ADAMTSL1: variants seen among roughly 807,000 people sequenced by gnomAD.
The protein encoded by ADAMTSL1 is ADAMTS like 1, also known as ADAMTS-like protein 1.
ADAMTSL1 carries 126 observed loss-of-function variants against 201.8 expected under a neutral mutation model. The observed-to-expected ratio is 0.62, with a 90% CI of 0.54 to 0.72. The LOEUF is 0.72. ADAMTSL1 is among the 30% of genes least tolerant of loss of function. The pLI, the probability that ADAMTSL1 is intolerant of heterozygous loss-of-function variation, is 0.00. For synonymous variants in ADAMTSL1, 1,121 were observed against 903.4 expected, an observed-to-expected ratio of 1.24 and a Z score of -4.32; for missense variants, 2,679 against 2,277.8, an observed-to-expected ratio of 1.18 and a Z score of -3.59.
intron 4 of ADAMTSL1, among the ~76,000 whole-genome samples, chr9:18,621,732 T>C (rs1826045758): frequency 6.6e-6 from 1 of 152,190 alleles, no homozygotes; most frequent in Non-Finnish European, 1.5e-5. Flanking sequence ...CTGTTCTCAC[T>C]GCTTGGAATA....
chr9:18,072,774 C>T (rs181278965), intron 1 of ADAMTSL1, among the ~76,000 whole-genome samples: 2 of 152,302 alleles, frequency 1.3e-5, no homozygotes. Flanking sequence ...ATTTTCATTG[C>T]CCACGGAGGG....
intron 23 of ADAMTSL1, among the ~76,000 whole-genome samples, chr9:18,874,450 T>C (rs2131475333): frequency 6.6e-6 from 1 of 152,246 alleles, no homozygotes; most frequent in South Asian, 2.1e-4. Flanking sequence ...TTTATTACCT[T>C]AGAGTGTGTC....
At chr9:18,631,009 G>C (rs769808298) in intron 5 of ADAMTSL1, among the ~76,000 whole-genome samples, 1 of 152,158 alleles carries the variant, frequency 6.6e-6, no homozygotes, top group Non-Finnish European at 1.5e-5. Flanking sequence ...TTTGATGTTA[G>C]CACCTGTGTA....
At chr9:18,835,443 T>A (rs1563841863) in intron 23 of ADAMTSL1, among the ~76,000 whole-genome samples, 2 of 152,162 alleles carry the variant, frequency 1.3e-5, no homozygotes, top group African/African-American at 4.8e-5. Flanking sequence ...AACAGTGTCT[T>A]ACAAAGAGTA....
intron 23 of ADAMTSL1, among the ~76,000 whole-genome samples, chr9:18,869,520 A>T (rs767824164): frequency 3.3e-5 from 5 of 152,218 alleles, no homozygotes; most frequent in Non-Finnish European, 5.9e-5. Context: ...AATAAATTCA[A>T]TCCTGTTGTT....
intron 1 of ADAMTSL1, among the ~76,000 whole-genome samples, chr9:18,089,101 A>G (rs1447313821): frequency 6.6e-6 from 1 of 152,186 alleles, no homozygotes; most frequent in Non-Finnish European, 1.5e-5. Context: ...GCAGTGAGCC[A>G]AGATCGTGCC....
intron 2 of ADAMTSL1, among the ~76,000 whole-genome samples, chr9:18,519,664 A>G (rs1818565693): frequency 6.6e-6 from 1 of 152,222 alleles, no homozygotes; most frequent in South Asian, 2.1e-4. Flanking sequence ...CTTGCTTAGT[A>G]CTAGTATAGA....
At chr9:18,464,833 A>T (rs1820940496) in intron 2 of ADAMTSL1, among the ~76,000 whole-genome samples, 1 of 152,212 alleles carries the variant, frequency 6.6e-6, no homozygotes, top group African/African-American at 2.4e-5. Context: ...AATAAAAATC[A>T]AGAGAGAAAG....
chr9:18,834,927 TC>T (rs1825218892), intron 23 of ADAMTSL1, among the ~76,000 whole-genome samples: 1 of 152,224 alleles, frequency 6.6e-6, no homozygotes, highest in South Asian at 2.1e-4. Context: ...GCTGTGAAAT[TC>T]ATGTACATTA....
chr9:17,982,849 CA>C (rs1483413571), intron 1 of ADAMTSL1, among the ~76,000 whole-genome samples: 2 of 151,904 alleles, frequency 1.3e-5, no homozygotes, highest in Non-Finnish European at 2.9e-5. Context: ...TATCACTTAT[CA>C]CCAAGATAAT....
At chr9:18,461,334 T>G (rs1303615095) in intron 2 of ADAMTSL1, among the ~76,000 whole-genome samples, 1 of 152,200 alleles carries the variant, frequency 6.6e-6, no homozygotes, top group East Asian at 1.9e-4. Context: ...TTTATCATTA[T>G]GATTATTTTT....
chr9:18,318,213 T>C (rs1269981687), intron 2 of ADAMTSL1, among the ~76,000 whole-genome samples: 3 of 152,216 alleles, frequency 2.0e-5, no homozygotes, highest in African/African-American at 7.2e-5. Flanking sequence ...TTCTTCAACA[T>C]TATCATTATG....
intron 2 of ADAMTSL1, among the ~76,000 whole-genome samples, chr9:18,177,614 G>C (rs1828230414): frequency 6.6e-6 from 1 of 152,112 alleles, no homozygotes; most frequent in Non-Finnish European, 1.5e-5. Flanking sequence ...AGGATACTTG[G>C]TGATCCAAAA....
rs75477902 is a variant in ADAMTSL1, at chr9:18,175,337, C to T, written c.207+11356C>T. On this transcript the variant is annotated intron_variant, in intron 2 of 29. Coordinates refer to the ADAMTSL1 transcript ENST00000680146. ...ACCTTCCTTCCCAGTTCTCCACAAACACCAGCTGGCTGCCCATCCATTCTG... is the reference window on the plus strand; with the variant it reads ...ACCTTCCTTCCCAGTTCTCCACAAATACCAGCTGGCTGCCCATCCATTCTG... 9.3e-3 allele frequency among the ~76,000 whole-genome samples: 1,411 copies of T among 152,300 alleles called. 29 individuals carry two copies. The highest frequency in any genetic ancestry group is 0.032 in the African/African-American group (1,350 of 41,558).
chr9:18,385,052 A>C (rs535067847), intron 2 of ADAMTSL1, among the ~76,000 whole-genome samples: 9 of 152,288 alleles, frequency 5.9e-5, no homozygotes, highest in African/African-American at 2.2e-4. Context: ...ATGCAGACAT[A>C]AATACTGTGC....
At chr9:18,648,453 T>C (rs1827966693) in intron 7 of ADAMTSL1, among the ~76,000 whole-genome samples, 1 of 152,254 alleles carries the variant, frequency 6.6e-6, no homozygotes, top group South Asian at 2.1e-4. Context: ...GTAATTTTCC[T>C]CATTAGTTGA....
intron 23 of ADAMTSL1, among the ~76,000 whole-genome samples, chr9:18,878,764 G>T (rs1051602587): frequency 6.6e-6 from 1 of 152,176 alleles, no homozygotes; most frequent in Non-Finnish European, 1.5e-5. Flanking sequence ...TTCACATGCT[G>T]CTCTGTACAT....
chr9:17,985,874 A>G (rs1588525666), intron 1 of ADAMTSL1, among the ~76,000 whole-genome samples: 1 of 152,246 alleles, frequency 6.6e-6, no homozygotes, highest in East Asian at 1.9e-4. Context: ...GCAAGAGAAA[A>G]TTGATACCTG....
chr9:18,603,418 A>G (rs957647492), intron 4 of ADAMTSL1, among the ~76,000 whole-genome samples: 2 of 146,694 alleles, frequency 1.4e-5, no homozygotes, highest in Non-Finnish European at 3.0e-5. Flanking sequence ...ATGCTATGCT[A>G]TACTGTGCTA....
Sources: allele counts gnomAD v4.1 joint callset (sites outside exome capture counted in the v4.1 genomes callset), GRCh38; gene constraint gnomAD v4.1.1; transcripts MANE v1.5; gene names NCBI Gene and HGNC (gene_info 2026-07-23, HGNC 2026-07-21).